The following RP1 variants were observed in gnomAD, a reference collection of about 807,000 sequenced individuals.
RP1 encodes the protein oxygen-regulated protein 1.
RP1 carries 16 observed loss-of-function variants against 14.8 expected under a neutral mutation model. The observed-to-expected ratio is 1.08, with a 90% CI of 0.73 to 1.65. The LOEUF (loss-of-function observed/expected upper bound fraction) is 1.65, where lower values mean the gene tolerates loss of function less well. Ranked by LOEUF, RP1 falls within the 40% of genes most tolerant of loss-of-function variation. RP1 has a pLI of 0.00. For synonymous variants in RP1, 876 were observed against 883.6 expected, an observed-to-expected ratio of 0.99 and a Z score of 0.15; for missense variants, 2,631 against 2,535.0, an observed-to-expected ratio of 1.04 and a Z score of -0.81.
chr8:54,685,189 G>A (rs1585605292), intron 12 of RP1, among the ~76,000 whole-genome samples: 1 of 151,938 alleles, frequency 6.6e-6, no homozygotes, highest in Non-Finnish European at 1.5e-5. Flanking sequence ...GTTATTTCTT[G>A]TCTTCTACTA....
intron 1 of RP1, among the ~76,000 whole-genome samples, chr8:54,585,547 T>G (rs1351425042): frequency 6.6e-6 from 1 of 152,226 alleles, no homozygotes; most frequent in African/African-American, 2.4e-5. Flanking sequence ...TTGGCCTGCC[T>G]TGCTAGATTG....
chr8:54,738,960 TG>T lies in RP1; in HGVS notation c.2741del (p.Gly914GlufsTer6), dbSNP rs1809002297. On this transcript the variant is annotated frameshift_variant, in exon 19 of 23. Transcript: ENST00000636932. LOFTEE classifies it high-confidence loss of function. ...TCATTCAGGTTGAAATAAGAAACAC[TG>T]GAAACATATATAAGATAAGGATAGG... The T allele has an allele frequency of 6.7e-7, 1 of 1,501,378 alleles. No homozygotes were observed. The highest frequency in any genetic ancestry group is 2.1e-5 in the Admixed American group (1 of 47,748). 93.0% of individuals were successfully genotyped at this position (1,501,378 alleles called of 1,614,324 possible). A position where few individuals can be genotyped will look rare whatever the true frequency, so the allele number is the denominator to read the frequency against.
intron 14 of RP1, among the ~76,000 whole-genome samples, chr8:54,704,602 T>C (rs1808104606): frequency 6.6e-6 from 1 of 152,214 alleles, no homozygotes; most frequent in Non-Finnish European, 1.5e-5. Context: ...ACTTGCTTGA[T>C]GTAGGGTTCT....
intron 24 of RP1, among the ~76,000 whole-genome samples, chr8:54,830,490 C>G (rs1241802862): frequency 6.6e-6 from 1 of 152,046 alleles, no homozygotes; most frequent in African/African-American, 2.4e-5. Flanking sequence ...TCACTGTTAT[C>G]TAATGTTAAT....
At chr8:54,599,795 G>A (rs1424774212) in intron 1 of RP1, among the ~76,000 whole-genome samples, 1 of 152,076 alleles carries the variant, frequency 6.6e-6, no homozygotes, top group East Asian at 1.9e-4. Flanking sequence ...CCTTGTTCTT[G>A]GTATGATGAG....
intron 22 of RP1, among the ~76,000 whole-genome samples, chr8:54,765,023 C>T (rs1445356606): frequency 1.3e-5 from 2 of 152,226 alleles, no homozygotes; most frequent in African/African-American, 4.8e-5. Context: ...GCCAACCACA[C>T]CGCAAGGGGG....
chr8:54,679,678 G>T, intron 11 of RP1: 2 of 1,522,722 alleles, frequency 1.3e-6, no homozygotes, highest in Non-Finnish European at 1.8e-6. Context: ...ATGTTCAAAT[G>T]ACTATTTGAT....
intron 1 of RP1, among the ~76,000 whole-genome samples, chr8:54,567,458 G>A (rs1034298541): frequency 6.6e-6 from 1 of 152,132 alleles, no homozygotes; most frequent in African/African-American, 2.4e-5. Flanking sequence ...GACTTCCTGA[G>A]GAAAAGTAAA....
intron 17 of RP1, among the ~76,000 whole-genome samples, chr8:54,729,834 A>G (rs1306410694): frequency 6.6e-6 from 1 of 152,126 alleles, no homozygotes; most frequent in African/African-American, 2.4e-5. Flanking sequence ...ATGGATGCTC[A>G]TCTATATATT....
chr8:54,576,024 A>G (rs1804633116), intron 1 of RP1, among the ~76,000 whole-genome samples: 1 of 150,834 alleles, frequency 6.6e-6, no homozygotes, highest in Non-Finnish European at 1.5e-5. Flanking sequence ...AGAAAAAGAA[A>G]GAATAAACCT....
In RP1 at chr8:54,624,873, A is replaced by G. The variant is rs370586234; in HGVS notation, c.991A>G (p.Met331Val). 4.3e-6 allele frequency: 7 copies of G among 1,613,770 alleles called. No homozygotes were observed. Among genetic ancestry groups the G allele is most frequent in the African/African-American group, 2.7e-5 (2 of 74,892 alleles). ...AATTATTTTTAATCAAGACGGCACT[A>G]TGACAGTTGAGATGAAAGTTCGATT... is the stretch of plus-strand genomic sequence containing the variant. ...KSIIFNQDGT[M>V]TVEMKVRFRI... Residue 331 changes from methionine (M) to valine (V), a missense_variant, in exon 4 of 4, where the codon ATG (methionine) becomes GTG (valine). Met to Val is a conservative substitution (Grantham distance 21, BLOSUM62 1). Coordinates refer to ENST00000220676, the MANE Select transcript of RP1 (RefSeq NM_006269.2).
intron 1 of RP1, among the ~76,000 whole-genome samples, chr8:54,585,706 T>C: frequency 6.6e-6 from 1 of 152,202 alleles, no homozygotes; most frequent in East Asian, 1.9e-4. Flanking sequence ...CTTTTTATTC[T>C]TTTTTCTCTA....
chr8:54,823,099 C>A lies in RP1; in HGVS notation c.3616-14351C>A, dbSNP rs1010090886. Among the ~76,000 whole-genome samples the A allele has an allele frequency of 5.3e-5, 8 of 151,940 alleles. No homozygotes were observed. In the South Asian group the frequency reaches 1.7e-3, roughly 32 times the overall value. Reference sequence around the variant, plus strand: ...GTTGTTTTATCAGGTGTATAGCACTCGTGTGACTCCCCGCCGCCCCCTCAG... The same window carrying A: ...GTTGTTTTATCAGGTGTATAGCACTAGTGTGACTCCCCGCCGCCCCCTCAG... On this transcript the variant is annotated intron_variant, in intron 24 of 28. Transcript: ENST00000637698.
Position 54,625,815 on chromosome 8 carries a change from C to T in RP1, c.1933C>T (p.Leu645=), listed in dbSNP as rs1175180079. 4 of 1,613,228 alleles carry T rather than the reference C, an allele frequency of 2.5e-6. No homozygotes were observed. The highest frequency in any genetic ancestry group is 1.3e-5 in the African/African-American group (1 of 74,902). ...SSTVTARIDR[L]INEFAQCGLT... ...TACTGTCACTGCAAGAATTGACAGA[C>T]TAATTAATGAATTTGCTCAGTGTGG... The change falls in exon 4 of 4, where the codon CTA becomes TTA. Residue 645 remains leucine, a synonymous_variant. Transcript: ENST00000220676.
chr8:54,716,115 T>A (rs1808397698), intron 15 of RP1, among the ~76,000 whole-genome samples: 1 of 152,210 alleles, frequency 6.6e-6, no homozygotes, highest in South Asian at 2.1e-4. Context: ...CTGTGGAAGA[T>A]GTGCTAGTTT....
chr8:54,595,705 T>C (rs148516099), intron 1 of RP1, among the ~76,000 whole-genome samples: 8 of 152,358 alleles, frequency 5.3e-5, no homozygotes, highest in African/African-American at 1.9e-4. Context: ...CATAAAATGC[T>C]TTATTGTTTT....
At chr8:54,600,634 T>C (rs1805253094) in intron 1 of RP1, among the ~76,000 whole-genome samples, 1 of 152,010 alleles carries the variant, frequency 6.6e-6, no homozygotes, top group Non-Finnish European at 1.5e-5. Context: ...GGATGCCTCA[T>C]TATTGCTGGA....
intron 1 of RP1, among the ~76,000 whole-genome samples, chr8:54,572,788 C>G (rs1349464512): frequency 6.6e-6 from 1 of 152,156 alleles, no homozygotes; most frequent in Non-Finnish European, 1.5e-5. Flanking sequence ...TGATAGGGTA[C>G]CATTCTTGGC....
chr8:54,753,939 G>C (rs930712745), intron 19 of RP1, among the ~76,000 whole-genome samples: 1 of 152,140 alleles, frequency 6.6e-6, no homozygotes, highest in African/African-American at 2.4e-5. Flanking sequence ...GGAGGGACAG[G>C]GACTTATTTA....
Sources: allele counts gnomAD v4.1 joint callset (sites outside exome capture counted in the v4.1 genomes callset), GRCh38; gene constraint gnomAD v4.1.1; transcripts MANE v1.5; gene names NCBI Gene and HGNC (gene_info 2026-07-23, HGNC 2026-07-21).